KYNU: variants seen among roughly 807,000 people sequenced by gnomAD.
KYNU encodes the protein L-kynurenine hydrolase.
KYNU carries 54 observed loss-of-function variants against 59.2 expected under a neutral mutation model. The observed-to-expected ratio is 0.91, with a 90% CI of 0.73 to 1.14. The LOEUF (loss-of-function observed/expected upper bound fraction) is 1.14, where lower values mean the gene tolerates loss of function less well. Among genes scored for constraint, KYNU ranks in the 50% most tolerant of loss-of-function variants. KYNU has a pLI of 0.00. For missense variants in KYNU, 567 were observed against 554.4 expected (o/e 1.02, Z -0.23); for synonymous variants, 177 against 192.0 (o/e 0.92, Z 0.65).
intron 11 of KYNU, among the ~76,000 whole-genome samples, 160 bp from the exon 12 acceptor site, chr2:143,033,076 G>T (rs1403599073): frequency 2.0e-5 from 3 of 152,136 alleles, no homozygotes; most frequent in African/African-American, 7.2e-5. Context: ...GGGAAATAAC[G>T]TCGATATTTT....
At chr2:143,039,188 T>G (rs1410389915) in intron 12 of KYNU, among the ~76,000 whole-genome samples, 1 of 152,128 alleles carries the variant, frequency 6.6e-6, no homozygotes, top group Non-Finnish European at 1.5e-5. Context: ...TCAGTAAAAA[T>G]AAATGCATTA....
intron 2 of KYNU, among the ~76,000 whole-genome samples, chr2:142,904,096 G>T (rs1309672769): frequency 5.3e-5 from 8 of 152,194 alleles, no homozygotes; most frequent in African/African-American, 1.9e-4. Flanking sequence ...TTTTTCTAAT[G>T]TCTGCAGCTG....
chr2:143,029,546 A>C, intron 10 of KYNU, 81 bp from the exon 11 acceptor site: 10 of 842,730 alleles, frequency 1.2e-5, no homozygotes, highest in Non-Finnish European at 2.1e-5. Flanking sequence ...AGATCACGCC[A>C]CTGCACTCCA....
At position 143,052,785 on chromosome 2, in the gene KYNU, C is replaced by A. The variant is rs749618865; in HGVS notation, c.*10613C>A. ...CCCTCATGGAGAACCTCTGCTAGGG[C>A]AGTGAAGAAGGGAAAAGTATGGTGG... On this transcript the variant is annotated 3_prime_UTR_variant, in exon 14 of 14. Coordinates refer to ENST00000264170, the MANE Select transcript of KYNU (RefSeq NM_003937.3). 2 of 152,306 alleles carry A rather than the reference C, an allele frequency of 1.3e-5. No homozygotes were observed. Among genetic ancestry groups the A allele is most frequent in the Non-Finnish European group, 1.5e-5 (1 of 68,080 alleles). The allele number at this position is 152,306 out of a possible 1,614,324, so 9.4% of individuals were successfully genotyped here.
chr2:142,887,189 A>ACAG (rs1251113292), intron 2 of KYNU, among the ~76,000 whole-genome samples: 1 of 151,732 alleles, frequency 6.6e-6, no homozygotes, highest in Non-Finnish European at 1.5e-5. Flanking sequence ...AACAACAACA[A>ACAG]CAACAAAATA....
At chr2:143,004,634 G>A (rs769351209) in intron 10 of KYNU, among the ~76,000 whole-genome samples, 2 of 152,178 alleles carry the variant, frequency 1.3e-5, no homozygotes, top group Non-Finnish European at 2.9e-5. Context: ...CAGGGAGGCG[G>A]AGGTTGCAGT....
intron 12 of KYNU, among the ~76,000 whole-genome samples, chr2:143,038,172 G>A (rs1038956862): frequency 2.6e-5 from 4 of 151,948 alleles, no homozygotes; most frequent in East Asian, 3.9e-4. Context: ...TTCACATATC[G>A]ATTGCCCCCA....
intron 1 of KYNU, 130 bp from the exon 2 acceptor site, chr2:142,885,219 T>C (rs1681461527): frequency 1.4e-6 from 1 of 707,198 alleles, no homozygotes. Flanking sequence ...TAATGCTGGT[T>C]GGTTAAGTAT....
intron 8 of KYNU, among the ~76,000 whole-genome samples, chr2:142,965,864 G>T (rs1186622970): frequency 6.6e-6 from 1 of 151,950 alleles, no homozygotes; most frequent in Non-Finnish European, 1.5e-5. Flanking sequence ...GGATCTCATT[G>T]TTCCTAACCC....
At chr2:142,992,477 T>C (rs1685425965) in intron 10 of KYNU, among the ~76,000 whole-genome samples, 1 of 151,814 alleles carries the variant, frequency 6.6e-6, no homozygotes, top group Non-Finnish European at 1.5e-5. Context: ...TATTAAATTT[T>C]AAAAATAATT....
intron 11 of KYNU, among the ~76,000 whole-genome samples, chr2:143,032,435 G>C (rs369668969): frequency 6.6e-6 from 1 of 152,094 alleles, no homozygotes; most frequent in African/African-American, 2.4e-5. Context: ...CGACATATGG[G>C]GATTACAATT....
chr2:142,946,802 TTC>T (rs1683799290), intron 4 of KYNU, among the ~76,000 whole-genome samples: 1 of 152,190 alleles, frequency 6.6e-6, no homozygotes, highest in African/African-American at 2.4e-5. Flanking sequence ...GAGACCTCCT[TTC>T]TAGCCATAAA....
intron 10 of KYNU, among the ~76,000 whole-genome samples, chr2:143,013,980 T>C (rs1686183882): frequency 6.6e-6 from 1 of 152,242 alleles, no homozygotes; most frequent in African/African-American, 2.4e-5. Flanking sequence ...ACTTGGGGTC[T>C]GTCAGTCACT....
At chr2:142,947,998 A>G (rs1190032464) in intron 4 of KYNU, 2 of 152,060 alleles carry the variant, frequency 1.3e-5, no homozygotes, top group Admixed American at 6.5e-5. Context: ...AGTTGCCTCT[A>G]TTTTCTCAAT....
At chr2:142,931,167 C>G in intron 4 of KYNU, among the ~76,000 whole-genome samples, 1 of 152,206 alleles carries the variant, frequency 6.6e-6, no homozygotes, top group South Asian at 2.1e-4. Flanking sequence ...AGTAGCCTTG[C>G]GCCTTCGTAC....
intron 1 of KYNU, chr2:142,879,434 A>G (rs1037093305): frequency 2.0e-5 from 3 of 152,204 alleles, no homozygotes; most frequent in African/African-American, 7.2e-5. Flanking sequence ...AGGTAAATCA[A>G]TTCATACGTA....
At chr2:143,013,583 A>C (rs1173561214) in intron 10 of KYNU, among the ~76,000 whole-genome samples, 1 of 152,214 alleles carries the variant, frequency 6.6e-6, no homozygotes. Context: ...TGAGCAAATA[A>C]TTTTATTTTC....
chr2:142,968,327 A>C (rs542960070), intron 8 of KYNU, among the ~76,000 whole-genome samples: 28 of 152,272 alleles, frequency 1.8e-4, no homozygotes, highest in Non-Finnish European at 3.5e-4. Flanking sequence ...TAGAAAGTTA[A>C]AAATATTGGT....
At chr2:143,028,349 A>AT (rs1371680267) in intron 10 of KYNU, among the ~76,000 whole-genome samples, 4 of 145,254 alleles carry the variant, frequency 2.8e-5, no homozygotes, top group Non-Finnish European at 6.0e-5. Context: ...GGTTCAAGCG[A>AT]TTCTCCTGCC....
Sources: allele counts gnomAD v4.1 joint callset (sites outside exome capture counted in the v4.1 genomes callset), GRCh38; gene constraint gnomAD v4.1.1; transcripts MANE v1.5; gene names NCBI Gene and HGNC (gene_info 2026-07-23, HGNC 2026-07-21).